MEI1: variants seen among roughly 807,000 people sequenced by gnomAD.
MEI1 encodes meiotic double-stranded break formation protein 1, also known as meiosis inhibitor protein 1.
In MEI1, 103 loss-of-function variants were observed where a neutral mutation model predicts 146.2. The ratio of observed to expected loss-of-function variants is 0.70; its 90% CI spans 0.60 to 0.83. MEI1 has a LOEUF of 0.83. Ranked by LOEUF, MEI1 falls within the 40% of genes least tolerant of loss-of-function variation. The probability of loss-of-function intolerance (pLI) is 0.00; values close to 1 mark genes in which losing one functional copy is unlikely to be tolerated. For missense variants in MEI1, 1,529 were observed against 1,533.0 expected (o/e 1.00, Z 0.04); for synonymous variants, 652 against 628.2 (o/e 1.04, Z -0.57).
At chr22:41,765,540 T>G (rs1289247774) in intron 19 of MEI1, among the ~76,000 whole-genome samples, 1 of 152,172 alleles carries the variant, frequency 6.6e-6, no homozygotes, top group Non-Finnish European at 1.5e-5. Flanking sequence ...CACAACTTGA[T>G]TTTTCTACTC....
At chr22:41,798,202 TAAG>T (rs1486421692) in intron 30 of MEI1, among the ~76,000 whole-genome samples, 4 of 150,268 alleles carry the variant, frequency 2.7e-5, no homozygotes, top group East Asian at 2.0e-4. Flanking sequence ...GCCATGTTCT[TAAG>T]AAAGCTTGGA....
At chr22:41,767,416 G>T (rs1032192843) in intron 19 of MEI1, among the ~76,000 whole-genome samples, 5 of 152,226 alleles carry the variant, frequency 3.3e-5, no homozygotes, top group African/African-American at 9.6e-5. Flanking sequence ...TGATTCTCAT[G>T]GTCTTTGAGC....
intron 7 of MEI1, 89 bp from the exon 8 acceptor site, chr22:41,729,576 A>T: frequency 1.3e-6 from 1 of 760,510 alleles, no homozygotes; most frequent in South Asian, 1.5e-5. Flanking sequence ...TCGAAAATGA[A>T]TTAGGCTATT....
chr22:41,742,578 C>T (rs2072974441), intron 11 of MEI1, among the ~76,000 whole-genome samples: 2 of 152,170 alleles, frequency 1.3e-5, no homozygotes, highest in South Asian at 4.1e-4. Context: ...CTATTAGCCT[C>T]ATTTAATAGA....
chr22:41,731,927 T>C (rs1462863473), intron 9 of MEI1, among the ~76,000 whole-genome samples: 1 of 151,514 alleles, frequency 6.6e-6, no homozygotes, highest in Non-Finnish European at 1.5e-5. Context: ...AGGAGTGGGG[T>C]TTTGACCTGA....
At chr22:41,766,685 C>A (rs1284427888) in intron 19 of MEI1, among the ~76,000 whole-genome samples, 1 of 151,942 alleles carries the variant, frequency 6.6e-6, no homozygotes, top group Non-Finnish European at 1.5e-5. Context: ...TAGCTGGTAC[C>A]ACAGGCATGC....
At chr22:41,755,190 T>C (rs1374103149) in intron 17 of MEI1, among the ~76,000 whole-genome samples, 4 of 152,200 alleles carry the variant, frequency 2.6e-5, no homozygotes, top group Non-Finnish European at 5.9e-5. Context: ...TAGACCTGTC[T>C]CCTGATATAA....
At chr22:41,732,649 A>G in intron 11 of MEI1, 46 bp downstream of exon 11, 1 of 1,588,386 alleles carries the variant, frequency 6.3e-7, no homozygotes, top group Non-Finnish European at 8.6e-7. Context: ...GCATATACCT[A>G]AGGGCCTGTT....
At chr22:41,705,087 G>A (rs1490198720) in intron 2 of MEI1, among the ~76,000 whole-genome samples, 1 of 152,012 alleles carries the variant, frequency 6.6e-6, no homozygotes, top group African/African-American at 2.4e-5. Context: ...GAATTTAGCT[G>A]GAACATTGTT....
intron 26 of MEI1, among the ~76,000 whole-genome samples, chr22:41,787,294 T>C (rs1356640638): frequency 6.6e-6 from 1 of 152,202 alleles, no homozygotes; most frequent in African/African-American, 2.4e-5. Flanking sequence ...TGGGCTTTTT[T>C]TTTCCTGCAG....
chr22:41,708,093 G>A (rs1387624884), intron 3 of MEI1, among the ~76,000 whole-genome samples: 2 of 152,232 alleles, frequency 1.3e-5, no homozygotes, highest in East Asian at 1.9e-4. Flanking sequence ...ACATAAGGAG[G>A]TTAATAATTT....
chr22:41,761,832 G>A (rs568576986), intron 18 of MEI1, among the ~76,000 whole-genome samples: 1 of 152,202 alleles, frequency 6.6e-6, no homozygotes, highest in Admixed American at 6.5e-5. Flanking sequence ...TGTCTCTTTG[G>A]AGTTACCTAT....
chr22:41,732,483 T>G lies in MEI1; in HGVS notation c.1211T>G (p.Ile404Ser). ...AEILTRQPEE[I>S]KLFTSSAMCR... is the part of the protein sequence containing the mutation. Reference sequence around the variant, plus strand: ...CCATTTCTCAGGCAGCCAGAGGAGATCAAGCTGTTCACAAGCTCAGCCATG... The same window carrying G: ...CCATTTCTCAGGCAGCCAGAGGAGAGCAAGCTGTTCACAAGCTCAGCCATG... Residue 404 changes from isoleucine (I) to serine (S), a missense_variant, in exon 11 of 31, where the codon ATC becomes AGC. Physicochemically the swap from Ile to Ser is moderately radical, Grantham distance 142. Around this residue, in one of 3 missense-constraint regions of MEI1, gnomAD observed 1,212 missense variants for 1,178.9 expected, o/e 1.03. Transcript: ENST00000401548. The G allele has an allele frequency of 6.2e-7, 1 of 1,613,802 alleles. No homozygotes were observed. Among genetic ancestry groups the G allele is most frequent in the Non-Finnish European group, 8.5e-7 (1 of 1,179,862 alleles).
chr22:41,746,144 C>A, intron 14 of MEI1, 118 bp downstream of exon 14: 1 of 866,176 alleles, frequency 1.2e-6, no homozygotes, highest in Non-Finnish European at 1.6e-6. Flanking sequence ...GGGGCCTCAG[C>A]AGTGCAATTC....
intron 16 of MEI1, 102 bp from the exon 17 acceptor site, chr22:41,753,847 T>C: frequency 2.4e-6 from 2 of 840,192 alleles, no homozygotes; most frequent in East Asian, 2.4e-5. Context: ...TTCACTAGCC[T>C]CTGGCACAAA....
chr22:41,758,293 A>G (rs1404008172), intron 17 of MEI1, 72 bp from the exon 18 acceptor site: 3 of 1,415,548 alleles, frequency 2.1e-6, no homozygotes, highest in Admixed American at 1.8e-5. Context: ...TGCATGTAGT[A>G]GGTACTAATG....
At chr22:41,763,669 T>A (rs1468694098) in intron 19 of MEI1, among the ~76,000 whole-genome samples, 1 of 151,962 alleles carries the variant, frequency 6.6e-6, no homozygotes, top group Non-Finnish European at 1.5e-5. Context: ...TTCGGCTCAC[T>A]GCAACCTCCA....
chr22:41,707,848 T>C (rs2069211137), intron 3 of MEI1, among the ~76,000 whole-genome samples: 1 of 152,224 alleles, frequency 6.6e-6, no homozygotes. Context: ...AAAATGTGAT[T>C]TGCAGAGTCC....
chr22:41,772,559 C>T (rs371670600), intron 20 of MEI1, among the ~76,000 whole-genome samples: 1 of 152,144 alleles, frequency 6.6e-6, no homozygotes, highest in Admixed American at 6.6e-5. Context: ...TGGGCTCCAG[C>T]GATCCTCCCA....
Sources: gnomAD v4.1 joint callset for allele counts (sites outside exome capture counted in the v4.1 genomes callset) on GRCh38, gnomAD v4.1.1 for gene constraint, gnomAD v4.1.1 regional missense constraint, MANE v1.5 for transcripts, NCBI Gene and HGNC (gene_info 2026-07-23, HGNC 2026-07-21) for gene names.